Variants in CFAP46 observed in about 807,000 individuals in gnomAD.
CFAP46 encodes cilia- and flagella-associated protein 46.
Under a neutral mutation model 325.7 loss-of-function variants are expected in CFAP46, and 245 were observed. The ratio of observed to expected loss-of-function variants is 0.75; its 90% CI spans 0.68 to 0.84. The LOEUF (loss-of-function observed/expected upper bound fraction) is 0.84, where lower values mean the gene tolerates loss of function less well. CFAP46 is among the 40% of genes least tolerant of loss of function. CFAP46 has a pLI of 0.00. For synonymous variants in CFAP46, 1,523 were observed against 1,495.9 expected (o/e 1.02, Z -0.42); for missense variants, 3,346 against 3,543.0 (o/e 0.94, Z 1.41).
intron 35 of CFAP46, among the ~76,000 whole-genome samples, chr10:132,861,447 G>A (rs1000238626): frequency 1.3e-5 from 2 of 152,242 alleles, no homozygotes; most frequent in Admixed American, 6.5e-5. Flanking sequence ...GCCTCCTGGG[G>A]CTCCTGCTGG....
At chr10:132,909,828 T>G in intron 20 of CFAP46, 91 bp downstream of exon 20, 7 of 1,188,776 alleles carry the variant, frequency 5.9e-6, no homozygotes, top group Non-Finnish European at 7.7e-6. Context: ...TGGAGCTAAG[T>G]GGTCCCGGGG....
chr10:132,929,571 G>T, intron 9 of CFAP46, 134 bp downstream of exon 9: 1 of 851,120 alleles, frequency 1.2e-6, no homozygotes, highest in Non-Finnish European at 2.1e-6. Context: ...TAGGAAAGAC[G>T]GCAATGTGCC....
intron 39 of CFAP46, among the ~76,000 whole-genome samples, chr10:132,854,428 C>A (rs562414523): frequency 9.2e-5 from 14 of 152,214 alleles, no homozygotes; most frequent in Non-Finnish European, 1.5e-4. Flanking sequence ...GCTCTTCCCC[C>A]CCAGGTTCAC....
chr10:132,887,120 TCTCTC>T (rs1406920510), intron 25 of CFAP46, among the ~76,000 whole-genome samples: 39 of 134,488 alleles, frequency 2.9e-4, no homozygotes. Flanking sequence ...TTCACCTCTC[TCTCTC>T]CTCTCCTCTG....
At chr10:132,920,221 G>A in intron 13 of CFAP46, 39 bp from the exon 14 acceptor site, 1 of 1,502,278 alleles carries the variant, frequency 6.7e-7, no homozygotes, top group Non-Finnish European at 8.9e-7. Flanking sequence ...TGCAGCTGCT[G>A]GCCAAGGGCC....
intron 46 of CFAP46, 83 bp downstream of exon 46, chr10:132,836,059 G>T: frequency 3.4e-6 from 1 of 290,604 alleles, no homozygotes. Context: ...TCCCCCTCCC[G>T]ACACAGCCCT....
In CFAP46 at chr10:132,889,672, C is replaced by T. The variant is rs1174565427; in HGVS notation, c.3304+2661G>A. On this transcript the variant is annotated intron_variant, in intron 25 of 57. Transcript: ENST00000368586. The surrounding 1 kb of genome is among the most constrained non-coding windows in gnomAD (Gnocchi z 6.0). Reference sequence around the variant, plus strand: ...ACCCAGTACACATCCAATTCACGGGCGGAGGCACTGCAGCCGGACCCCACC... The same window carrying T: ...ACCCAGTACACATCCAATTCACGGGTGGAGGCACTGCAGCCGGACCCCACC... Among the ~76,000 whole-genome samples the T allele has an allele frequency of 1.3e-5, 2 of 152,166 alleles. No homozygotes were observed. Among genetic ancestry groups the T allele is most frequent in the Non-Finnish European group, 2.9e-5 (2 of 68,020 alleles).
At chr10:132,915,586 GTGAGGGCGGGGCGCCGTGCC>G (rs1293185560) in intron 17 of CFAP46, among the ~76,000 whole-genome samples, 4 of 151,746 alleles carry the variant, frequency 2.6e-5, no homozygotes, top group African/African-American at 9.7e-5. Context: ...CGAGGGACCG[GTGAGGGCGGGGCGCCGTGCC>G]CAGCTTCTGC....
At chr10:132,844,090 C>G (rs1293564313) in intron 44 of CFAP46, among the ~76,000 whole-genome samples, 8 of 129,162 alleles carry the variant, frequency 6.2e-5, no homozygotes, top group South Asian at 2.7e-4. Flanking sequence ...CTGTGGGGCT[C>G]TGGTCTCGGT....
At chr10:132,848,522 G>T (rs1848479364) in intron 41 of CFAP46, among the ~76,000 whole-genome samples, 1 of 151,870 alleles carries the variant, frequency 6.6e-6, no homozygotes, top group African/African-American at 2.4e-5. Context: ...GCATGAACAC[G>T]GTGGGCTCCG....
chr10:132,842,903 C>G (rs545350352), intron 44 of CFAP46, among the ~76,000 whole-genome samples: 29 of 152,294 alleles, frequency 1.9e-4, no homozygotes, highest in African/African-American at 6.7e-4. Flanking sequence ...ACTTATTAGT[C>G]AACAAATGGG....
intron 19 of CFAP46, among the ~76,000 whole-genome samples, chr10:132,911,435 C>T (rs905715621): frequency 6.6e-6 from 1 of 152,196 alleles, no homozygotes; most frequent in Non-Finnish European, 1.5e-5. Flanking sequence ...CAAAGTCTTC[C>T]GCAAGGGTGG....
chr10:132,859,252 C>T lies in CFAP46; in HGVS notation c.5199-5G>A, dbSNP rs1331565576. The stretch of plus-strand genomic sequence containing the variant: ...CTGACCCGCAGGCTCAGGCACCTGA[C>T]GGAGGGACGGTTTGGGGCCTGGAGT... On this transcript the variant is annotated splice_region_variant and splice_polypyrimidine_tract_variant and intron_variant, in intron 37 of 57. Transcript: ENST00000368586. The T allele has an allele frequency of 1.9e-5, 30 of 1,545,588 alleles. No individual in the cohort carries two copies. Among genetic ancestry groups the T allele is most frequent in the Non-Finnish European group, 2.4e-5 (27 of 1,145,786 alleles).
At chr10:132,866,689 C>G (rs923784882) in intron 34 of CFAP46, among the ~76,000 whole-genome samples, 1 of 152,186 alleles carries the variant, frequency 6.6e-6, no homozygotes, top group Non-Finnish European at 1.5e-5. Flanking sequence ...GGCTGAGCCC[C>G]GCACTGCTGT....
At chr10:132,887,043 C>T (rs1323452831) in intron 25 of CFAP46, among the ~76,000 whole-genome samples, 2 of 150,100 alleles carry the variant, frequency 1.3e-5, no homozygotes, top group Admixed American at 6.6e-5. Context: ...CTTCTTTCTC[C>T]TCTCATCTTC....
chr10:132,909,147 G>T lies in CFAP46; in HGVS notation c.2747C>A (p.Ser916Tyr). ...GLGLMDFTVP[S>Y]LAQLVKMASE... is the part of the protein sequence containing the mutation. The stretch of plus-strand genomic sequence containing the variant: ...CCTGGGGACACCTACCTGGGCCAGG[G>T]AGGGGACAGTGAAGTCCATGAGGCC... The change falls in exon 21 of 58, where the codon TCC becomes TAC. Residue 916 changes from serine (S) to tyrosine (Y), a missense_variant. Coordinates refer to ENST00000368586, the MANE Select transcript of CFAP46 (RefSeq NM_001200049.3). 6.5e-7 allele frequency: 1 copy of T among 1,548,836 alleles called. No homozygotes were observed.
At chr10:132,909,841 C>A in intron 20 of CFAP46, 78 bp downstream of exon 20, 1 of 1,323,388 alleles carries the variant, frequency 7.6e-7, no homozygotes, top group Non-Finnish European at 9.7e-7. Flanking sequence ...TCCCGGGGGC[C>A]CCACCACCCC....
chr10:132,880,189 G>A (rs1849018698), intron 28 of CFAP46, among the ~76,000 whole-genome samples: 1 of 152,212 alleles, frequency 6.6e-6, no homozygotes, highest in African/African-American at 2.4e-5. Flanking sequence ...CGGCAGGACT[G>A]CCGAGCCACC....
rs529533097 is a variant in CFAP46 at position 132,869,802 on chromosome 10, G to A, written c.4512-430C>T. On this transcript the variant is annotated intron_variant, in intron 32 of 57. Coordinates refer to ENST00000368586, the MANE Select transcript of CFAP46 (RefSeq NM_001200049.3). This position sits in a 1 kb window ranked among gnomAD's most constrained non-coding sequence, Gnocchi z 6.2. The stretch of plus-strand genomic sequence containing the variant: ...GGCCCCGGTGGTCCCTCTTAGCCCC[G>A]TGACCACGCCTGCTCCAGCCTCCTC... 1.3e-5 allele frequency among the ~76,000 whole-genome samples: 2 copies of A among 151,984 alleles called. No homozygotes were observed. The highest frequency in any genetic ancestry group is 2.1e-4 in the South Asian group (1 of 4,798).
Sources: allele counts gnomAD v4.1 joint callset (sites outside exome capture counted in the v4.1 genomes callset), GRCh38; gene constraint gnomAD v4.1.1; non-coding constraint Gnocchi (gnomAD v3.1); transcripts MANE v1.5; gene names NCBI Gene and HGNC (gene_info 2026-07-23, HGNC 2026-07-21).